PRRT1B: variants seen among roughly 807,000 people sequenced by gnomAD.
PRRT1B encodes proline rich transmembrane protein 1B.
chr9:131,557,032 C>T (rs551978017), intron 3 of PRRT1B, among the ~76,000 whole-genome samples: 1 of 152,214 alleles, frequency 6.6e-6, no homozygotes, highest in South Asian at 2.1e-4. Context: ...ACTCACCCCA[C>T]TATTCATCCA....
chr9:131,552,447 C>A (rs1159497989), intron 1 of PRRT1B, among the ~76,000 whole-genome samples: 1 of 152,212 alleles, frequency 6.6e-6, no homozygotes, highest in Non-Finnish European at 1.5e-5. Context: ...GTGTCCTGGA[C>A]ATTGTGAATA....
At chr9:131,547,123 G>A (rs1009928837) in intron 1 of PRRT1B, among the ~76,000 whole-genome samples, 18 of 142,236 alleles carry the variant, frequency 1.3e-4, no homozygotes, top group Non-Finnish European at 2.5e-4. Flanking sequence ...CCAGGCTGGA[G>A]TGCAGTGGCA....
intron 1 of PRRT1B, among the ~76,000 whole-genome samples, chr9:131,553,479 G>A (rs1254068475): frequency 2.0e-5 from 3 of 152,226 alleles, no homozygotes; most frequent in African/African-American, 7.2e-5. Context: ...GGGGTGCAGG[G>A]GCCATGAGTG....
chr9:131,556,651 G>T (rs1588552194), intron 3 of PRRT1B, among the ~76,000 whole-genome samples: 1 of 146,868 alleles, frequency 6.8e-6, no homozygotes, highest in East Asian at 2.1e-4. Flanking sequence ...CTTTTTTTTT[G>T]ATACAGAGTC....
At chr9:131,557,366 C>T (rs996953793) in intron 3 of PRRT1B, among the ~76,000 whole-genome samples, 2 of 152,116 alleles carry the variant, frequency 1.3e-5, no homozygotes, top group African/African-American at 4.8e-5. Flanking sequence ...TGGTGAAACC[C>T]CGTCTCTACT....
intron 2 of PRRT1B, 69 bp downstream of exon 2, chr9:131,555,098 G>A (rs1432344748): frequency 1.5e-5 from 2 of 135,242 alleles, no homozygotes; most frequent in Admixed American, 3.1e-4. Flanking sequence ...CGCCCGTGCG[G>A]AGGCCGATAG....
chr9:131,550,502 G>A (rs1256879999), intron 1 of PRRT1B, among the ~76,000 whole-genome samples: 9 of 152,156 alleles, frequency 5.9e-5, no homozygotes, highest in Admixed American at 3.3e-4. Flanking sequence ...TACCTATCTC[G>A]GCATAATTCT....
intron 1 of PRRT1B, among the ~76,000 whole-genome samples, chr9:131,554,021 C>G (rs1405782626): frequency 1.3e-5 from 2 of 152,180 alleles, no homozygotes; most frequent in Non-Finnish European, 2.9e-5. Flanking sequence ...GGTGTCCATT[C>G]TCAGTGTGCA....
At chr9:131,553,104 C>A (rs1339818167) in intron 1 of PRRT1B, among the ~76,000 whole-genome samples, 1 of 152,142 alleles carries the variant, frequency 6.6e-6, no homozygotes, top group East Asian at 1.9e-4. Flanking sequence ...GCTGGAAAGA[C>A]ATGCTTTTAA....
At chr9:131,558,604 C>T (rs1332856956) in exon 4 of PRRT1B, 7 of 161,364 alleles carry the variant, frequency 4.3e-5, no homozygotes, top group African/African-American at 1.4e-4. Context: ...TCTGGAAGGA[C>T]ACTGCAACCT....
intron 1 of PRRT1B, among the ~76,000 whole-genome samples, chr9:131,549,399 A>C (rs1950996086): frequency 6.6e-6 from 1 of 150,464 alleles, no homozygotes; most frequent in Non-Finnish European, 1.5e-5. Flanking sequence ...GAATGCCCCC[A>C]GCCCGGGATT....
intron 1 of PRRT1B, 48 bp downstream of exon 1, chr9:131,545,688 A>G (rs1398454954): frequency 7.6e-6 from 3 of 394,286 alleles, no homozygotes; most frequent in African/African-American, 2.2e-5. Context: ...CGGGGCAGGT[A>G]CTGGCGGGGC....
intron 1 of PRRT1B, among the ~76,000 whole-genome samples, chr9:131,546,269 C>T (rs2132004919): frequency 6.6e-6 from 1 of 152,214 alleles, no homozygotes; most frequent in South Asian, 2.1e-4. Flanking sequence ...CGGGCTAATT[C>T]GGGGACGGAG....
exon 4 of PRRT1B, chr9:131,558,351 C>T (rs1951064044): frequency 5.0e-6 from 2 of 396,818 alleles, no homozygotes; most frequent in South Asian, 2.8e-4. Flanking sequence ...GGCTTGGCAG[C>T]CCTCAACTGA....
At chr9:131,552,772 G>C (rs1951020163) in intron 1 of PRRT1B, among the ~76,000 whole-genome samples, 1 of 151,536 alleles carries the variant, frequency 6.6e-6, no homozygotes, top group African/African-American at 2.4e-5. Context: ...TCTGGGGCTT[G>C]AGCAATTCTC....
At chr9:131,545,995 C>T (rs1450843999) in intron 1 of PRRT1B, among the ~76,000 whole-genome samples, 1 of 152,136 alleles carries the variant, frequency 6.6e-6, no homozygotes, top group African/African-American at 2.4e-5. Flanking sequence ...ACACCCCATC[C>T]GGAGCCAGGG....
At position 131,552,656 on chromosome 9, in the gene PRRT1B, G is replaced by A. The variant is rs551349402; in HGVS notation, c.26-1901G>A. On this transcript the variant is annotated intron_variant, in intron 1 of 3. Transcript: ENST00000636672. Reference sequence around the variant, plus strand: ...GTTTGTCTCCTGCACATGCAGTTTGGGGGGGAGCCCAACCTCTAAGGTTTT... The same window carrying A: ...GTTTGTCTCCTGCACATGCAGTTTGAGGGGGAGCCCAACCTCTAAGGTTTT... Among the ~76,000 whole-genome samples the A allele has an allele frequency of 5.4e-5, 8 of 149,234 alleles. No homozygotes were observed. In the South Asian group the frequency reaches 8.6e-4, roughly 16 times the overall value.
intron 2 of PRRT1B, 91 bp downstream of exon 2, chr9:131,555,120 C>CCTTGCAGAGGAGGAAACACCACCTTGG (rs147776408): frequency 5.2e-6 from 2 of 381,370 alleles, no homozygotes; most frequent in Non-Finnish European, 9.3e-6. Flanking sequence ...TCACTTCTGT[C>CCTTGCAGAGGAGGAAACACCACCTTGG]CCTGGGGGCG....
chr9:131,548,311 C>A (rs754387383), intron 1 of PRRT1B, among the ~76,000 whole-genome samples: 3 of 151,998 alleles, frequency 2.0e-5, no homozygotes, highest in Non-Finnish European at 4.4e-5. Flanking sequence ...CTATGGGCAA[C>A]CTTCCACCCT....
Sources: allele counts gnomAD v4.1 joint callset (sites outside exome capture counted in the v4.1 genomes callset), GRCh38; gene constraint gnomAD v4.1.1; transcripts MANE v1.5; gene names NCBI Gene and HGNC (gene_info 2026-07-23, HGNC 2026-07-21).